Variants in ATAD2B observed in about 807,000 individuals in gnomAD.
ATAD2B encodes the protein ATPase family AAA domain-containing protein 2B.
A neutral mutation model predicts 167.6 loss-of-function variants in ATAD2B; 40 were observed. The ratio of observed to expected loss-of-function variants is 0.24; its 90% CI spans 0.19 to 0.31. The LOEUF is 0.31. Among genes scored for constraint, ATAD2B ranks in the 10% least tolerant of loss-of-function variants. The probability of loss-of-function intolerance (pLI) is 1.00; values close to 1 mark genes in which losing one functional copy is unlikely to be tolerated. For synonymous variants in ATAD2B, 579 were observed against 596.5 expected (o/e 0.97, Z 0.43); for missense variants, 1,242 against 1,757.2 (o/e 0.71, Z 5.24).
At chr2:23,718,370 G>A in the ATAD2B span, among the ~76,000 whole-genome samples, 1 of 152,176 alleles carries the variant, frequency 6.6e-6, no homozygotes. Context: ...ATTCCTAAGG[G>A]TTCTTGTCTC....
the ATAD2B span, among the ~76,000 whole-genome samples, chr2:23,688,427 A>G: frequency 3.3e-5 from 5 of 152,206 alleles, no homozygotes; most frequent in African/African-American, 1.2e-4. Context: ...CTGATCTCTG[A>G]GGTGCATGAG....
chr2:23,909,041 T>G, intron 1 of ATAD2B, among the ~76,000 whole-genome samples: 3 of 146,590 alleles, frequency 2.0e-5, no homozygotes, highest in Non-Finnish European at 3.0e-5. Context: ...AGATGACGAG[T>G]TAGTGGGTGC....
At position 23,757,728 on chromosome 2, in the gene ATAD2B, G is replaced by A. The variant is rs976976981; in HGVS notation, c.3768C>T (p.Thr1256=). The change falls in exon 25 of 28, where the codon ACC becomes ACT. Residue 1256 remains threonine, a synonymous_variant. Coordinates refer to ENST00000238789, the MANE Select transcript of ATAD2B (RefSeq NM_017552.4). The part of the protein sequence containing the change: ...NSSSSLNPEQ[T]SRKETFLKGN... Reference sequence around the variant, plus strand: ...CTTTAAGGAAAGTCTCTTTCCTGGAGGTCTGCTCCGGGTTTAAGGAACTGC... The same window carrying A: ...CTTTAAGGAAAGTCTCTTTCCTGGAAGTCTGCTCCGGGTTTAAGGAACTGC... 10 of 1,609,898 alleles carry A rather than the reference G, an allele frequency of 6.2e-6. No individual in the cohort carries two copies. The African/African-American group carries it at 1.1e-4, about 17-fold the overall frequency.
intron 13 of ATAD2B, among the ~76,000 whole-genome samples, chr2:23,836,441 T>G (rs923876050): frequency 3.9e-5 from 6 of 152,136 alleles, no homozygotes; most frequent in African/African-American, 1.4e-4. Context: ...TCTCTCCTCT[T>G]CACCCACAAA....
At chr2:23,826,573 T>G (rs528939301) in intron 15 of ATAD2B, among the ~76,000 whole-genome samples, 11 of 152,150 alleles carry the variant, frequency 7.2e-5, no homozygotes, top group Non-Finnish European at 1.5e-4. Flanking sequence ...GAAATTGTTC[T>G]AAAAAGACTG....
the ATAD2B span, among the ~76,000 whole-genome samples, chr2:23,723,475 G>T: frequency 7.6e-6 from 1 of 131,330 alleles, no homozygotes; most frequent in Admixed American, 7.7e-5. Flanking sequence ...AGGGAGGGAA[G>T]GAGGGAAGGA....
At chr2:23,852,400 C>T (rs1444947491) in intron 13 of ATAD2B, among the ~76,000 whole-genome samples, 5 of 152,088 alleles carry the variant, frequency 3.3e-5, no homozygotes, top group Non-Finnish European at 7.4e-5. Context: ...GTTGAGATTA[C>T]AGGCATGCAC....
chr2:23,801,919 C>T (rs181824629), intron 18 of ATAD2B, among the ~76,000 whole-genome samples: 159 of 152,076 alleles, frequency 1.0e-3, no homozygotes, highest in African/African-American at 3.6e-3. Context: ...ATGTTCCATC[C>T]ATGAAAATCT....
intron 22 of ATAD2B, among the ~76,000 whole-genome samples, chr2:23,768,357 GCCA>G (rs1317542906): frequency 6.7e-6 from 1 of 148,452 alleles, no homozygotes; most frequent in Non-Finnish European, 1.5e-5. Context: ...AACATGGCGA[GCCA>G]CCGTGTCTCC....
chr2:23,901,664 C>T (rs533584309), intron 1 of ATAD2B, among the ~76,000 whole-genome samples: 1 of 152,156 alleles, frequency 6.6e-6, no homozygotes, highest in East Asian at 1.9e-4. Flanking sequence ...GAAAGGAGGG[C>T]TCATGGTGAA....
the ATAD2B span, chr2:23,695,482 A>T: frequency 1.5e-6 from 1 of 654,280 alleles, no homozygotes; most frequent in Non-Finnish European, 2.6e-6. This position sits in a 1 kb window ranked among gnomAD's most constrained non-coding sequence, Gnocchi z 7.6. Flanking sequence ...ACCTCTGTCT[A>T]GGCTAGCAGA....
At chr2:23,765,901 T>C (rs1422826402) in intron 22 of ATAD2B, among the ~76,000 whole-genome samples, 1 of 152,166 alleles carries the variant, frequency 6.6e-6, no homozygotes, top group African/African-American at 2.4e-5. Flanking sequence ...GATACATGGT[T>C]TCAAATTTCT....
chr2:23,701,909 T>C, the ATAD2B span, among the ~76,000 whole-genome samples: 1 of 149,048 alleles, frequency 6.7e-6, no homozygotes, highest in African/African-American at 2.5e-5. Flanking sequence ...CAAGCAGTTC[T>C]TCTGCCTCAG....
At chr2:23,732,585 T>A in the ATAD2B span, among the ~76,000 whole-genome samples, 2 of 152,184 alleles carry the variant, frequency 1.3e-5, 1 homozygote, top group South Asian at 4.2e-4. Context: ...TTATATTTTA[T>A]AATAAAAAGG....
rs961584964 is a variant in ATAD2B at position 23,798,316 on chromosome 2, C to T, written c.2462G>A (p.Arg821His). The T allele has an allele frequency of 1.3e-6, 2 of 1,561,766 alleles. No homozygotes were observed. Among genetic ancestry groups the T allele is most frequent in the African/African-American group, 1.4e-5 (1 of 73,244 alleles). ...ACTAGGTACTGTTCTTCGAGCTTCA[C>T]GAAAAATCTAATTAAGGAAAAAAAC... ...TPEESCAQIF[R>H]EARRTVPSIV... is the part of the protein sequence containing the mutation. Residue 821 changes from arginine to histidine, a missense_variant, in exon 19 of 28, where the codon CGT becomes CAT. Transcript: ENST00000238789.
At chr2:23,684,470 A>G in the ATAD2B span, 1 of 1,551,114 alleles carries the variant, frequency 6.4e-7, no homozygotes, top group South Asian at 1.2e-5. This position sits in a 1 kb window ranked among gnomAD's most constrained non-coding sequence, Gnocchi z 4.4. Context: ...TGTTGAAGGC[A>G]GAGAGTTTGA....
intron 18 of ATAD2B, chr2:23,809,303 G>T (rs1685171570): frequency 6.6e-6 from 1 of 152,120 alleles, no homozygotes. Context: ...GTTTTGGAAA[G>T]AAACCTTTAA....
chr2:23,850,744 G>A (rs140789500), intron 13 of ATAD2B, among the ~76,000 whole-genome samples: 7 of 152,308 alleles, frequency 4.6e-5, no homozygotes, highest in African/African-American at 1.2e-4. Context: ...GAGCAGATAC[G>A]TGTCATTACA....
intron 18 of ATAD2B, among the ~76,000 whole-genome samples, chr2:23,803,340 G>GCA (rs1558558965): frequency 4.5e-5 from 6 of 134,022 alleles, no homozygotes; most frequent in African/African-American, 1.6e-4. Flanking sequence ...ACACACACAC[G>GCA]CGCACGCATT....
Sources: gnomAD v4.1 joint callset for allele counts (sites outside exome capture counted in the v4.1 genomes callset) on GRCh38, gnomAD v4.1.1 for gene constraint, Gnocchi (gnomAD v3.1) non-coding constraint, MANE v1.5 for transcripts, NCBI Gene and HGNC (gene_info 2026-07-23, HGNC 2026-07-21) for gene names.